Variants in LITAF observed in about 807,000 individuals in gnomAD.
The protein encoded by LITAF is lipopolysaccharide-induced tumor necrosis factor-alpha factor.
A neutral mutation model predicts 14.5 loss-of-function variants in LITAF; 9 were observed. The ratio of observed to expected loss-of-function variants is 0.62; its 90% CI spans 0.37 to 1.08. The LOEUF (loss-of-function observed/expected upper bound fraction) is 1.08, where lower values mean the gene tolerates loss of function less well. Ranked by LOEUF, LITAF falls within the 50% of genes least tolerant of loss-of-function variation. The probability of loss-of-function intolerance (pLI) is 0.01; values close to 1 mark genes in which losing one functional copy is unlikely to be tolerated. For synonymous variants in LITAF, 98 were observed against 88.2 expected (o/e 1.11, Z -0.62); for missense variants, 206 against 213.4 (o/e 0.97, Z 0.22).
chr16:11,595,126 G>C (rs1450565577), intron 1 of LITAF, among the ~76,000 whole-genome samples: 1 of 152,098 alleles, frequency 6.6e-6, no homozygotes, highest in African/African-American at 2.4e-5. Flanking sequence ...ACCAATTCCG[G>C]TCACTCATGT....
intron 1 of LITAF, among the ~76,000 whole-genome samples, chr16:11,573,261 T>C (rs937811622): frequency 1.3e-5 from 2 of 152,096 alleles, no homozygotes; most frequent in Non-Finnish European, 2.9e-5. Flanking sequence ...CCATAACCAA[T>C]GCCATGATAT....
At chr16:11,556,411 C>T (rs2064268605) in intron 2 of LITAF, 100 bp downstream of exon 2, 1 of 1,030,322 alleles carries the variant, frequency 9.7e-7, no homozygotes, top group South Asian at 1.6e-5. Context: ...CGTACTGGCA[C>T]TTCACTTAGA....
At chr16:11,622,451 A>G (rs112310381) in intron 3 of LITAF, among the ~76,000 whole-genome samples, 1,826 of 152,328 alleles carry the variant, frequency 0.012, 33 homozygotes, top group African/African-American at 0.039. Context: ...AGAGGCAGCA[A>G]TCACGGGAGA....
rs185242796 is a variant in LITAF at position 11,574,223 on chromosome 16, G to A, written c.-6+12663C>T. Among the ~76,000 whole-genome samples the A allele has an allele frequency of 5.4e-4, 82 of 151,758 alleles. No individual in the cohort carries two copies. The East Asian group carries it at 9.9e-3, about 18-fold the overall frequency. On this transcript the variant is annotated intron_variant, in intron 1 of 3. Coordinates refer to ENST00000622633, the MANE Select transcript of LITAF (RefSeq NM_001136472.2). ...CACCTAGCTAATTTTTTTATTTTTT[G>A]TAGAGACGGGGTCTCAGTATGTTGA...
At chr16:11,606,583 T>G (rs1443226117) in intron 3 of LITAF, among the ~76,000 whole-genome samples, 2 of 152,218 alleles carry the variant, frequency 1.3e-5, no homozygotes, top group Non-Finnish European at 2.9e-5. Context: ...TTCTGTGACT[T>G]GCTTTCTTGC....
chr16:11,616,986 G>A (rs555364560), intron 3 of LITAF, among the ~76,000 whole-genome samples: 7 of 150,828 alleles, frequency 4.6e-5, no homozygotes, highest in South Asian at 4.2e-4. Flanking sequence ...TTGGGAGGCC[G>A]AGGCAGGCAG....
intron 3 of LITAF, among the ~76,000 whole-genome samples, chr16:11,629,923 A>T (rs1042616777): frequency 4.1e-4 from 63 of 152,270 alleles, no homozygotes; most frequent in Admixed American, 3.0e-3. Context: ...AACATCTCCA[A>T]GTGTCACAGG....
At position 11,549,624 on chromosome 16, in the gene LITAF, G is replaced by T; in HGVS notation, c.*13C>A. 1 of 1,600,294 alleles carries T rather than the reference G, an allele frequency of 6.2e-7. No individual in the cohort carries two copies. Among genetic ancestry groups the T allele is most frequent in the Non-Finnish European group, 8.6e-7 (1 of 1,168,822 alleles). ...TCCTGCGGCACCCGGCTCCCTCCAC[G>T]TCTGGCTGAGTCCTACAAACGCTTG... On this transcript the variant is annotated 3_prime_UTR_variant, in exon 4 of 4. Transcript: ENST00000622633. The surrounding 1 kb of genome is among the most constrained non-coding windows in gnomAD (Gnocchi z 4.6).
chr16:11,635,034 AAAAATAAAAT>A (rs55724396), intron 2 of LITAF, among the ~76,000 whole-genome samples: 40,028 of 141,288 alleles, frequency 0.28, 7,228 homozygotes, highest in East Asian at 0.43. Flanking sequence ...ACTCCATCTC[AAAAATAAAAT>A]AAAATAAAAT....
chr16:11,558,695 G>A lies in LITAF; in HGVS notation c.-5-1960C>T, dbSNP rs183842837. On this transcript the variant is annotated intron_variant, in intron 1 of 3. Coordinates refer to ENST00000622633, the MANE Select transcript of LITAF (RefSeq NM_001136472.2). The surrounding 1 kb of genome is among the most constrained non-coding windows in gnomAD (Gnocchi z 4.1). ...TGCACTCCAGCCTGGGAAACAGAGC[G>A]AGACTCTGTCTCAAAAACAAACAAA... Among the ~76,000 whole-genome samples, 71 of 152,236 alleles carry A rather than the reference G, an allele frequency of 4.7e-4. No individual in the cohort carries two copies. Among genetic ancestry groups the A allele is most frequent in the Middle Eastern group, 6.8e-3 (2 of 294 alleles).
intron 1 of LITAF, among the ~76,000 whole-genome samples, chr16:11,560,125 C>T (rs930490288): frequency 2.0e-5 from 3 of 151,598 alleles, no homozygotes; most frequent in African/African-American, 7.3e-5. Context: ...GGTGAAACCC[C>T]GTCTCTACTA....
intron 1 of LITAF, among the ~76,000 whole-genome samples, chr16:11,576,267 G>A (rs1055976953): frequency 5.9e-5 from 9 of 151,956 alleles, no homozygotes; most frequent in African/African-American, 1.7e-4. Flanking sequence ...TCAGGAGTTC[G>A]AGACCAGCCT....
chr16:11,597,035 TA>T (rs2064893738), intron 1 of LITAF, among the ~76,000 whole-genome samples: 1 of 151,998 alleles, frequency 6.6e-6, no homozygotes, highest in Admixed American at 6.6e-5. Context: ...TGACTACAGG[TA>T]AAATTTGCAC....
chr16:11,563,131 C>T (rs187679220), intron 1 of LITAF, among the ~76,000 whole-genome samples: 155 of 147,274 alleles, frequency 1.1e-3, no homozygotes, highest in African/African-American at 3.6e-3. Flanking sequence ...CATATCTCTA[C>T]ACAAAAAAAT....
Position 11,582,338 on chromosome 16 carries a change from AG to A in LITAF, c.-6+4547del, listed in dbSNP as rs1209985560. 9.1e-4 allele frequency among the ~76,000 whole-genome samples: 136 copies of A among 148,850 alleles called. 1 individual carries two copies. The highest frequency in any genetic ancestry group is 1.5e-3 in the Non-Finnish European group (98 of 66,782). On this transcript the variant is annotated intron_variant, in intron 1 of 3. Coordinates refer to ENST00000622633, the MANE Select transcript of LITAF (RefSeq NM_001136472.2). ...ACAACGGAAAAAAAAAAAAAAAAAA[AG>A]AACTCCCCACAAAGCTTTAGCCACA...
At chr16:11,563,306 G>A (rs1023958447) in intron 1 of LITAF, among the ~76,000 whole-genome samples, 4 of 151,848 alleles carry the variant, frequency 2.6e-5, no homozygotes, top group Non-Finnish European at 4.4e-5. Context: ...CTGCCAACAC[G>A]CCCAGCTAAT....
intron 1 of LITAF, among the ~76,000 whole-genome samples, chr16:11,592,466 C>T (rs2064853335): frequency 6.6e-6 from 1 of 151,650 alleles, no homozygotes; most frequent in South Asian, 2.1e-4. Flanking sequence ...GTCCCAGCTA[C>T]TTGGGAGGTG....
At position 11,548,584 on chromosome 16, in the gene LITAF, TTTTC is replaced by T. The variant is rs1442160424; in HGVS notation, c.*1049_*1052del. 1.1e-5 allele frequency: 5 copies of T among 438,042 alleles called. No homozygotes were observed. In the East Asian group the frequency reaches 2.8e-4, roughly 24 times the overall value. 27.1% of individuals were successfully genotyped at this position (438,042 alleles called of 1,614,324 possible). On this transcript the variant is annotated 3_prime_UTR_variant, in exon 4 of 4. Transcript: ENST00000622633. Reference sequence around the variant, plus strand: ...GCAGTAGATGAAATTATCCATTTCTTTTTCTTTTTTTTTTTTTTAAGTGAGACTA... The same window carrying T: ...GCAGTAGATGAAATTATCCATTTCTTTTTTTTTTTTTTTTAAGTGAGACTA...
chr16:11,633,731 C>T (rs2065127959), intron 2 of LITAF: 1 of 152,336 alleles, frequency 6.6e-6, no homozygotes, highest in East Asian at 1.9e-4. Flanking sequence ...CAGCAGTCCT[C>T]ACATGGGGCT....
Sources: allele counts gnomAD v4.1 joint callset (sites outside exome capture counted in the v4.1 genomes callset), GRCh38; gene constraint gnomAD v4.1.1; non-coding constraint Gnocchi (gnomAD v3.1); transcripts MANE v1.5; gene names NCBI Gene and HGNC (gene_info 2026-07-23, HGNC 2026-07-21).